The following NCOA4 variants were observed in gnomAD, a reference collection of about 807,000 sequenced individuals.
NCOA4 encodes 70 kDa AR-activator.
A neutral mutation model predicts 69.5 loss-of-function variants in NCOA4; 31 were observed. The observed-to-expected ratio is 0.45, with a 90% CI of 0.34 to 0.60. The LOEUF (loss-of-function observed/expected upper bound fraction) is 0.60. NCOA4 is among the 20% of genes least tolerant of loss of function. The pLI is 0.02. For missense variants in NCOA4, 600 were observed against 719.2 expected, an observed-to-expected ratio of 0.83 and a Z score of 1.90; for synonymous variants, 228 against 252.4, an observed-to-expected ratio of 0.90 and a Z score of 0.92.
intron 1 of NCOA4, among the ~76,000 whole-genome samples, chr10:46,023,943 A>C (rs1840033760): frequency 6.6e-6 from 1 of 152,226 alleles, no homozygotes; most frequent in African/African-American, 2.4e-5. Flanking sequence ...CGATTTTTTG[A>C]ATGTAAAATA....
At chr10:46,007,230 C>T (rs113512799) in intron 9 of NCOA4, among the ~76,000 whole-genome samples, 2 of 152,188 alleles carry the variant, frequency 1.3e-5, no homozygotes, top group African/African-American at 4.8e-5. Flanking sequence ...ACAACATTCC[C>T]TTAGGCCAAA....
intron 3 of NCOA4, 67 bp from the exon 4 acceptor site, chr10:46,015,009 A>G: frequency 6.3e-7 from 1 of 1,581,474 alleles, no homozygotes. Flanking sequence ...CAAGTTACCA[A>G]ACAGCACTTG....
chr10:46,026,742 A>T (rs1554925573), intron 1 of NCOA4, among the ~76,000 whole-genome samples: 3 of 152,208 alleles, frequency 2.0e-5, no homozygotes, highest in Non-Finnish European at 4.4e-5. Context: ...GTATTAAAAG[A>T]CTTAACTTCT....
intron 1 of NCOA4, among the ~76,000 whole-genome samples, chr10:46,025,598 A>G (rs1840115507): frequency 6.6e-6 from 1 of 152,228 alleles, no homozygotes; most frequent in African/African-American, 2.4e-5. Flanking sequence ...TATCTTGTGC[A>G]GCTTGGCTAT....
intron 1 of NCOA4, among the ~76,000 whole-genome samples, chr10:46,022,024 A>C (rs999769734): frequency 3.3e-5 from 5 of 152,088 alleles, no homozygotes; most frequent in African/African-American, 1.2e-4. Context: ...GAAAAACCAA[A>C]ACACTGCCAA....
chr10:46,011,408 T>C lies in NCOA4; in HGVS notation c.715-202A>G, dbSNP rs191848955. Reference sequence around the variant, plus strand: ...TCAGCCTTCCGAGTAGCTGGGACTATAGGCGCCCACCACCACGCCCAGCTA... The same window carrying C: ...TCAGCCTTCCGAGTAGCTGGGACTACAGGCGCCCACCACCACGCCCAGCTA... On this transcript the variant is annotated intron_variant, in intron 7 of 9. Coordinates refer to ENST00000581486, the MANE Select transcript of NCOA4 (RefSeq NM_001145263.2). 3.6e-3 allele frequency among the ~76,000 whole-genome samples: 537 copies of C among 150,776 alleles called. 15 individuals are homozygous for C. The East Asian group carries it at 0.094, about 26-fold the overall frequency.
intron 9 of NCOA4, chr10:46,009,119 C>T: frequency 6.5e-7 from 1 of 1,531,982 alleles, no homozygotes; most frequent in Non-Finnish European, 8.8e-7. Flanking sequence ...TGGAACCAAA[C>T]CCACCTTCGA....
chr10:46,021,569 T>G (rs1240038534), intron 1 of NCOA4, among the ~76,000 whole-genome samples: 2 of 152,242 alleles, frequency 1.3e-5, no homozygotes, highest in Non-Finnish European at 2.9e-5. Flanking sequence ...GGATTACTAT[T>G]GAAATAACTT....
intron 5 of NCOA4, among the ~76,000 whole-genome samples, chr10:46,014,067 C>A (rs1467159247): frequency 1.3e-5 from 2 of 151,992 alleles, no homozygotes; most frequent in Admixed American, 6.6e-5. Flanking sequence ...CTGTTTGTCG[C>A]CCAGGTTGGA....
intron 1 of NCOA4, among the ~76,000 whole-genome samples, chr10:46,028,743 G>C (rs1564930815): frequency 6.6e-6 from 1 of 152,130 alleles, no homozygotes; most frequent in East Asian, 1.9e-4. Flanking sequence ...ACACTACTGT[G>C]ATAGTCCCTG....
intron 1 of NCOA4, chr10:46,027,578 G>C: frequency 1.8e-6 from 2 of 1,106,354 alleles, no homozygotes; most frequent in Non-Finnish European, 2.6e-6. Flanking sequence ...AATTTTAAAA[G>C]GACTAAAAAG....
At chr10:46,020,348 C>A (rs1554924113) in intron 1 of NCOA4, among the ~76,000 whole-genome samples, 3 of 152,214 alleles carry the variant, frequency 2.0e-5, no homozygotes, top group Non-Finnish European at 4.4e-5. Context: ...AAAAGGGAGA[C>A]AAGGATGGTT....
At chr10:46,020,902 A>G (rs1554924220) in intron 1 of NCOA4, among the ~76,000 whole-genome samples, 1 of 152,188 alleles carries the variant, frequency 6.6e-6, no homozygotes, top group African/African-American at 2.4e-5. Context: ...TTAAATGTTT[A>G]TGTTTTGAGA....
chr10:46,025,479 T>C lies in NCOA4; in HGVS notation c.-15+5047A>G, dbSNP rs140958310. Among the ~76,000 whole-genome samples, 723 of 152,328 alleles carry C rather than the reference T, an allele frequency of 4.7e-3. 5 individuals carry two copies. Among genetic ancestry groups the C allele is most frequent in the East Asian group, 0.019 (97 of 5,182 alleles). On this transcript the variant is annotated intron_variant, in intron 1 of 9. Coordinates refer to ENST00000581486, the MANE Select transcript of NCOA4 (RefSeq NM_001145263.2). Reference sequence around the variant, plus strand: ...TCAAGTTGACACCTAAAATTAACCATCACAGCTGTCTATTTCCTGGCCTCA... The same window carrying C: ...TCAAGTTGACACCTAAAATTAACCACCACAGCTGTCTATTTCCTGGCCTCA...
intron 1 of NCOA4, chr10:46,022,389 A>C: frequency 2.2e-6 from 1 of 448,818 alleles, no homozygotes; most frequent in Non-Finnish European, 4.5e-6. Context: ...ATGTTAAAAA[A>C]TATTTTGCAA....
Position 46,014,493 on chromosome 10 carries a change from G to T in NCOA4, c.431C>A (p.Thr144Lys). 6.2e-7 allele frequency: 1 copy of T among 1,614,064 alleles called. No individual in the cohort carries two copies. Among genetic ancestry groups the T allele is most frequent in the Non-Finnish European group, 8.5e-7 (1 of 1,179,974 alleles). The change falls in exon 5 of 10, where the codon ACA becomes AAA. Residue 144 changes from threonine to lysine, a missense_variant. Transcript: ENST00000581486. ...DSTVLLFEAD[T>K]ITLRQTITTF... ...GGTGATGGTCTGGCGCAGAGTAATT[G>T]TGTCAGCTTCAAAGAGCAGGACAGT...
chr10:46,006,937 A>T (rs552430686), intron 9 of NCOA4, among the ~76,000 whole-genome samples: 1 of 152,146 alleles, frequency 6.6e-6, no homozygotes, highest in Admixed American at 6.5e-5. Context: ...CCCATCTCTC[A>T]CTCTTCTTTA....
Position 46,010,816 on chromosome 10 carries a change from G to A in NCOA4, c.1105C>T (p.Leu369=). 1 of 1,613,936 alleles carries A rather than the reference G, an allele frequency of 6.2e-7. No homozygotes were observed. The highest frequency in any genetic ancestry group is 8.5e-7 in the Non-Finnish European group (1 of 1,179,864). The part of the protein sequence containing the change: ...EIENLGNLKC[L]NDHLEAKKPL... ...TTCTTGGCCTCCAAGTGGTCATTCA[G>A]GCACTTCAGATTGCCCAGGTTTTCA... The change falls in exon 8 of 10, where the codon CTG becomes TTG. Residue 369 remains leucine, a synonymous_variant. Transcript: ENST00000581486.
At chr10:46,015,312 A>G (rs782299215) in intron 2 of NCOA4, 46 bp from the exon 3 acceptor site, 14 of 1,240,732 alleles carry the variant, frequency 1.1e-5, no homozygotes, top group Non-Finnish European at 1.5e-5. Context: ...ATCCCAAAGA[A>G]TGATGTTTCC....
Sources: gnomAD v4.1 joint callset for allele counts (sites outside exome capture counted in the v4.1 genomes callset) on GRCh38, gnomAD v4.1.1 for gene constraint, MANE v1.5 for transcripts, NCBI Gene and HGNC (gene_info 2026-07-23, HGNC 2026-07-21) for gene names.